The following FAM89A variants were observed in gnomAD, a reference collection of about 807,000 sequenced individuals.
FAM89A encodes the protein protein FAM89A.
FAM89A carries 10 observed loss-of-function variants against 7.1 expected under a neutral mutation model. The observed-to-expected ratio is 1.40, with a 90% CI of 0.86 to 2.38. The LOEUF is 2.38. Among genes scored for constraint, FAM89A ranks in the 30% most tolerant of loss-of-function variants. The pLI is 0.00. For missense variants in FAM89A, 276 were observed against 262.8 expected, an observed-to-expected ratio of 1.05 and a Z score of -0.35; for synonymous variants, 157 against 129.3, an observed-to-expected ratio of 1.21 and a Z score of -1.45.
rs555284068 is a variant in FAM89A at position 231,035,269 on chromosome 1, T to C, written c.291+4652A>G. 2.1e-4 allele frequency among the ~76,000 whole-genome samples: 32 copies of C among 152,336 alleles called. No individual in the cohort carries two copies. In the South Asian group the frequency reaches 6.6e-3, roughly 32 times the overall value. ...AGTTTCACAAATTCAACTTTTTTTTTCCTTAGGTTCAATTCTTTACACAAC... is the reference window on the plus strand; with the variant it reads ...AGTTTCACAAATTCAACTTTTTTTTCCCTTAGGTTCAATTCTTTACACAAC... On this transcript the variant is annotated intron_variant, in intron 1 of 1. Transcript: ENST00000366654.
intron 1 of FAM89A, chr1:231,021,859 G>T: frequency 6.3e-7 from 1 of 1,592,210 alleles, no homozygotes; most frequent in Non-Finnish European, 8.6e-7. Flanking sequence ...CTAGGAGGCT[G>T]CCCCAGGACC....
At chr1:231,037,324 T>G (rs1680173179) in intron 1 of FAM89A, among the ~76,000 whole-genome samples, 1 of 152,248 alleles carries the variant, frequency 6.6e-6, no homozygotes, top group Non-Finnish European at 1.5e-5. Flanking sequence ...AAAGTGATTA[T>G]TTCTAGGTGC....
At position 231,020,139 on chromosome 1, in the gene FAM89A, G is replaced by A. The variant is rs1443915022; in HGVS notation, c.292-13C>T. The A allele has an allele frequency of 1.3e-6, 2 of 1,579,888 alleles. No homozygotes were observed. Among genetic ancestry groups the A allele is most frequent in the South Asian group, 1.1e-5 (1 of 87,734 alleles). On this transcript the variant is annotated splice_polypyrimidine_tract_variant and intron_variant, in intron 1 of 1. Transcript: ENST00000366654. ...GGCGGAGACCAACCTTGAGGGAAGGGGTGGGGAGGTAAAAAACGAGAAGTC... is the reference window on the plus strand; with the variant it reads ...GGCGGAGACCAACCTTGAGGGAAGGAGTGGGGAGGTAAAAAACGAGAAGTC...
chr1:231,019,688 C>T lies in FAM89A; in HGVS notation c.*175G>A. The T allele has an allele frequency of 1.5e-6, 1 of 681,306 alleles. No individual in the cohort carries two copies. The highest frequency in any genetic ancestry group is 2.4e-6 in the Non-Finnish European group (1 of 411,744). 42.2% of individuals were successfully genotyped at this position (681,306 alleles called of 1,614,324 possible). A position where few individuals can be genotyped will look rare whatever the true frequency, so the allele number is the denominator to read the frequency against. On this transcript the variant is annotated 3_prime_UTR_variant, in exon 2 of 2. Transcript: ENST00000366654. Reference sequence around the variant, plus strand: ...CAGAAACTGCTGCCATCAAAGCAGACTGCCACCATGCATCCGCGGAGAACT... The same window carrying T: ...CAGAAACTGCTGCCATCAAAGCAGATTGCCACCATGCATCCGCGGAGAACT...
intron 1 of FAM89A, among the ~76,000 whole-genome samples, chr1:231,021,099 C>T (rs1462200058): frequency 6.6e-6 from 1 of 152,208 alleles, no homozygotes; most frequent in Non-Finnish European, 1.5e-5. Context: ...TGTGCTTCCA[C>T]CAAGCCCCTA....
chr1:231,024,584 AG>A (rs973007809), intron 1 of FAM89A, among the ~76,000 whole-genome samples: 1 of 149,664 alleles, frequency 6.7e-6, no homozygotes, highest in African/African-American at 2.5e-5. Flanking sequence ...TCACCCAGGC[AG>A]GAGTGTGGTG....
At chr1:231,026,071 TA>T (rs35151430) in intron 1 of FAM89A, 8,313 of 138,474 alleles carry the variant, frequency 0.06, 260 homozygotes, top group Middle Eastern at 0.28. Context: ...GCTCAGCTCC[TA>T]AAAAAAAAAA....
chr1:231,034,711 G>A (rs1680130718), intron 1 of FAM89A, among the ~76,000 whole-genome samples: 1 of 140,586 alleles, frequency 7.1e-6, no homozygotes, highest in East Asian at 2.3e-4. Context: ...GGTGGAGGTT[G>A]TAGTGAGCCG....
In FAM89A at chr1:231,019,548, C is replaced by G; in HGVS notation, c.*315G>C. On this transcript the variant is annotated 3_prime_UTR_variant, in exon 2 of 2. Coordinates refer to ENST00000366654, the MANE Select transcript of FAM89A (RefSeq NM_198552.3). The stretch of plus-strand genomic sequence containing the variant: ...CTACAAGCCACCTCACACAAAACAC[C>G]CACTAAGGCCTTTCACCGAGATCCT... The G allele has an allele frequency of 3.6e-6, 1 of 277,600 alleles. No individual in the cohort carries two copies. The highest frequency in any genetic ancestry group is 6.8e-6 in the Non-Finnish European group (1 of 146,270). The allele number at this position is 277,600 out of a possible 1,614,324, so 17.2% of individuals were successfully genotyped here.
At chr1:231,028,094 A>T (rs1262861848) in intron 1 of FAM89A, among the ~76,000 whole-genome samples, 2 of 152,212 alleles carry the variant, frequency 1.3e-5, no homozygotes, top group Non-Finnish European at 2.9e-5. Flanking sequence ...ACCCTCCCAG[A>T]GAACACGTAG....
chr1:231,022,608 G>A (rs1467513940), intron 1 of FAM89A, among the ~76,000 whole-genome samples: 1 of 152,110 alleles, frequency 6.6e-6, no homozygotes, highest in East Asian at 1.9e-4. Flanking sequence ...CACCCAGCTC[G>A]AGGATCCCAG....
At position 231,020,074 on chromosome 1, in the gene FAM89A, T is replaced by C. The variant is rs773068416; in HGVS notation, c.344A>G (p.Tyr115Cys). The C allele has an allele frequency of 1.9e-6, 3 of 1,613,894 alleles. No homozygotes were observed. The highest frequency in any genetic ancestry group is 2.5e-6 in the Non-Finnish European group (3 of 1,179,966). ...CCCCTTGTACTCCTGAATCGACTCG[T>C]AGAGGCTGTACAGTTGGCAGAGCAA... ...MSLLCQLYSL[Y>C]ESIQEYKGAC... The change falls in exon 2 of 2, where the codon TAC becomes TGC. Residue 115 changes from tyrosine to cysteine, a missense_variant. Coordinates refer to ENST00000366654, the MANE Select transcript of FAM89A (RefSeq NM_198552.3).
Position 231,020,296 on chromosome 1 carries a change from T to C in FAM89A, c.292-170A>G, listed in dbSNP as rs1679852561. On this transcript the variant is annotated intron_variant, in intron 1 of 1. Transcript: ENST00000366654. The stretch of plus-strand genomic sequence containing the variant: ...TTTCCAGTTTTGAGAACACCTTAAT[T>C]GTGTTATGCCCATACCTCAGACGTT... 2.0e-5 allele frequency among the ~76,000 whole-genome samples: 3 copies of C among 152,134 alleles called. No homozygotes were observed. The South Asian group carries it at 6.2e-4, about 32-fold the overall frequency.
rs1303341622 is a variant in FAM89A at position 231,021,305 on chromosome 1, A to G, written c.292-1179T>C. On this transcript the variant is annotated intron_variant, in intron 1 of 1. Coordinates refer to ENST00000366654, the MANE Select transcript of FAM89A (RefSeq NM_198552.3). ...CTTATGGAGCTATTAGGGCAATTCA[A>G]TATCAATCCACTCAATAAACAGGAT... Among the ~76,000 whole-genome samples, 3 of 152,266 alleles carry G rather than the reference A, an allele frequency of 2.0e-5. No homozygotes were observed. The South Asian group carries it at 6.2e-4, about 31-fold the overall frequency.
At chr1:231,021,978 G>T in intron 1 of FAM89A, 1 of 1,324,614 alleles carries the variant, frequency 7.5e-7, no homozygotes, top group South Asian at 1.2e-5. Flanking sequence ...GGCGCTATAG[G>T]CCTCAGGCCC....
intron 1 of FAM89A, among the ~76,000 whole-genome samples, chr1:231,029,475 G>A (rs748267048): frequency 6.6e-6 from 1 of 151,352 alleles, no homozygotes; most frequent in South Asian, 2.1e-4. Context: ...CTGGGCAACA[G>A]AGCAAGACCC....
chr1:231,021,820 T>C, intron 1 of FAM89A: 1 of 1,601,614 alleles, frequency 6.2e-7, no homozygotes, highest in East Asian at 2.2e-5. Flanking sequence ...TTGTGATTGT[T>C]GACAAAAGAA....
Position 231,040,009 on chromosome 1 carries a change from C to A in FAM89A, c.203G>T (p.Gly68Val), listed in dbSNP as rs1340911572. The A allele has an allele frequency of 1.1e-5, 15 of 1,415,988 alleles. No homozygotes were observed. The highest frequency in any genetic ancestry group is 6.0e-5 in the African/African-American group (4 of 66,726). The allele number at this position is 1,415,988 out of a possible 1,614,324, so 87.7% of individuals were successfully genotyped here. A position where few individuals can be genotyped will look rare whatever the true frequency, so the allele number is the denominator to read the frequency against. ...SRIQDELSRG[G>V]PGGGGARAAA... ...CGCCCGGGCCCCGCCGCCGCCCGGGCCCCCGCGGCTCAGCTCGTCCTGGAT... is the reference window on the plus strand; with the variant it reads ...CGCCCGGGCCCCGCCGCCGCCCGGGACCCCGCGGCTCAGCTCGTCCTGGAT... The change falls in exon 1 of 2, where the codon GGC (glycine) becomes GTC (valine). Residue 68 changes from glycine to valine, a missense_variant. Physicochemically the swap from Gly to Val is moderately radical, Grantham distance 109. Transcript: ENST00000366654.
intron 1 of FAM89A, among the ~76,000 whole-genome samples, chr1:231,021,120 G>C (rs566915475): frequency 6.6e-6 from 1 of 152,214 alleles, no homozygotes; most frequent in Non-Finnish European, 1.5e-5. Flanking sequence ...TGGTGATTCC[G>C]TGCTATGCTG....
Sources: allele counts gnomAD v4.1 joint callset (sites outside exome capture counted in the v4.1 genomes callset), GRCh38; gene constraint gnomAD v4.1.1; transcripts MANE v1.5; gene names NCBI Gene and HGNC (gene_info 2026-07-23, HGNC 2026-07-21).